IL1RL1: variants seen among roughly 807,000 people sequenced by gnomAD.
The protein encoded by IL1RL1 is interleukin-1 receptor-like 1.
In IL1RL1, 32 loss-of-function variants were observed where a neutral mutation model predicts 50.9. That is an observed-to-expected ratio of 0.63 (90% CI 0.47 to 0.84). IL1RL1 has a LOEUF of 0.84. IL1RL1 is among the 40% of genes least tolerant of loss of function. IL1RL1 has a pLI of 0.00. For missense variants in IL1RL1, 773 were observed against 662.9 expected (o/e 1.17, Z -1.82); for synonymous variants, 275 against 236.0 (o/e 1.17, Z -1.51).
At chr2:102,340,921 C>T (rs1411379079) in intron 5 of IL1RL1, 93 bp downstream of exon 5, 2 of 956,944 alleles carry the variant, frequency 2.1e-6, no homozygotes, top group Non-Finnish European at 3.0e-6. Context: ...TTGCACTTCT[C>T]CCTCCTCCCT....
Position 102,349,574 on chromosome 2 carries a change from A to C in IL1RL1, c.1285+328A>C, listed in dbSNP as rs531011495. On this transcript the variant is annotated intron_variant, in intron 10 of 10. Coordinates refer to ENST00000233954, the MANE Select transcript of IL1RL1 (RefSeq NM_016232.5). The stretch of plus-strand genomic sequence containing the variant: ...ACTCTGCCACTTCTTAATTCTGTCC[A>C]TAAGATTTGAAAGAGGACTTAAAAA... Among the ~76,000 whole-genome samples, 27 of 152,316 alleles carry C rather than the reference A, an allele frequency of 1.8e-4. 1 individual carries two copies. In the South Asian group the frequency reaches 5.6e-3, roughly 32 times the overall value.
chr2:102,349,155 G>A lies in IL1RL1; in HGVS notation c.1194G>A (p.Glu398=), dbSNP rs1451099841. Residue 398 remains glutamate, a synonymous_variant, in exon 10 of 11, where the codon GAG becomes GAA. Transcript: ENST00000233954. ...GTACAGATGGGGCCAGTCGTGTAGA[G>A]CACTTTGTTCACCAGATTCTGCCTG... ...KSSTDGASRV[E]HFVHQILPDV... 3 of 1,613,138 alleles carry A rather than the reference G, an allele frequency of 1.9e-6. No homozygotes were observed. The highest frequency in any genetic ancestry group is 1.6e-4 in the Middle Eastern group (1 of 6,062).
chr2:102,342,493 AT>A (rs1257038530), intron 6 of IL1RL1, among the ~76,000 whole-genome samples, 199 bp downstream of exon 6: 2 of 152,114 alleles, frequency 1.3e-5, no homozygotes, highest in African/African-American at 4.8e-5. Context: ...CAGTGTTTAC[AT>A]TTGTTTATTG....
At chr2:102,342,418 G>A (rs1015864137) in intron 6 of IL1RL1, 124 bp downstream of exon 6, 4 of 658,746 alleles carry the variant, frequency 6.1e-6, no homozygotes, top group African/African-American at 5.4e-5. Context: ...AGTAAGTGAG[G>A]TGACATCCCT....
At chr2:102,323,320 A>G (rs1676894836) in intron 1 of IL1RL1, among the ~76,000 whole-genome samples, 1 of 148,146 alleles carries the variant, frequency 6.8e-6, no homozygotes, top group Admixed American at 6.7e-5. Flanking sequence ...TATATAATTT[A>G]TATACACTAA....
At chr2:102,337,862 T>C (rs1186442999) in intron 1 of IL1RL1, among the ~76,000 whole-genome samples, 3 of 152,188 alleles carry the variant, frequency 2.0e-5, no homozygotes, top group African/African-American at 7.2e-5. Flanking sequence ...TTTCAGGACA[T>C]TCTCATGAGA....
At chr2:102,326,071 T>C (rs932776162) in intron 1 of IL1RL1, among the ~76,000 whole-genome samples, 1 of 152,118 alleles carries the variant, frequency 6.6e-6, no homozygotes, top group South Asian at 2.1e-4. Context: ...AAAGTTGAAA[T>C]GAAGGCAAAA....
chr2:102,314,321 C>T (rs1676610077), intron 1 of IL1RL1, among the ~76,000 whole-genome samples: 1 of 152,182 alleles, frequency 6.6e-6, no homozygotes, highest in South Asian at 2.1e-4. Flanking sequence ...TGTGAGGGCC[C>T]CAGGCCCCCT....
At position 102,340,136 on chromosome 2, in the gene IL1RL1, T is replaced by C. The variant is rs1397489512; in HGVS notation, c.311T>C (p.Ile104Thr). Residue 104 changes from isoleucine (I) to threonine (T), a missense_variant, in exon 4 of 11, where the codon ATA (isoleucine) becomes ACA (threonine). By Grantham distance (89) the Ile-to-Thr change is moderately conservative. Transcript: ENST00000233954. ...AGGACTGGATATGCGAATGTCACCA[T>C]ATATAAAAAACAATCAGATTGCAAT... ...FNRTGYANVT[I>T]YKKQSDCNVP... The C allele has an allele frequency of 1.3e-6, 2 of 1,582,934 alleles. No individual in the cohort carries two copies. Among genetic ancestry groups the C allele is most frequent in the South Asian group, 1.1e-5 (1 of 86,974 alleles).
At chr2:102,336,172 T>C (rs1408370544) in intron 1 of IL1RL1, among the ~76,000 whole-genome samples, 1 of 152,156 alleles carries the variant, frequency 6.6e-6, no homozygotes, top group Non-Finnish European at 1.5e-5. Flanking sequence ...CCACAAGCAG[T>C]GGCAGTTGGA....
In IL1RL1 at chr2:102,343,438, T is replaced by C. The variant is rs942546252; in HGVS notation, c.970+23T>C. The C allele has an allele frequency of 1.9e-5, 31 of 1,614,074 alleles. No individual in the cohort carries two copies. In the East Asian group the frequency reaches 6.7e-4, roughly 35 times the overall value. The stretch of plus-strand genomic sequence containing the variant: ...CAAGTAAGGAGTGTTTCTGAGACTT[T>C]GATCACCTGAACTTTCTCTAGCAAG... On this transcript the variant is annotated intron_variant, in intron 8 of 10. Coordinates refer to ENST00000233954, the MANE Select transcript of IL1RL1 (RefSeq NM_016232.5).
At chr2:102,330,171 T>A (rs1288183500) in intron 1 of IL1RL1, among the ~76,000 whole-genome samples, 1 of 152,188 alleles carries the variant, frequency 6.6e-6, no homozygotes, top group African/African-American at 2.4e-5. Context: ...AAAAAGATGA[T>A]GAGTTCATGT....
intron 1 of IL1RL1, among the ~76,000 whole-genome samples, chr2:102,336,375 A>G (rs920018906): frequency 7.2e-5 from 11 of 152,160 alleles, no homozygotes; most frequent in Non-Finnish European, 1.2e-4. Flanking sequence ...AATACATGTA[A>G]ATCACTTAGA....
At chr2:102,347,733 T>C (rs960807118) in intron 8 of IL1RL1, among the ~76,000 whole-genome samples, 1 of 152,188 alleles carries the variant, frequency 6.6e-6, no homozygotes, top group African/African-American at 2.4e-5. Context: ...TCTGCCTCTT[T>C]TGCCTTTGAG....
intron 1 of IL1RL1, among the ~76,000 whole-genome samples, chr2:102,311,886 TATATAA>T (rs1355373705): frequency 2.9e-5 from 1 of 34,478 alleles, no homozygotes; most frequent in Non-Finnish European, 5.0e-5. Context: ...TATAATATAA[TATATAA>T]TATATCATAT....
chr2:102,342,939 A>T, intron 6 of IL1RL1, 97 bp from the exon 7 acceptor site: 2 of 1,212,778 alleles, frequency 1.6e-6, no homozygotes, highest in African/African-American at 3.1e-5. Context: ...TGGGGTGCAT[A>T]CTAAGTGTTC....
At chr2:102,317,327 C>A (rs797022149) in intron 1 of IL1RL1, among the ~76,000 whole-genome samples, 6 of 152,166 alleles carry the variant, frequency 3.9e-5, no homozygotes, top group African/African-American at 1.4e-4. Context: ...GCACTCCAGC[C>A]TGGGTGACAG....
intron 1 of IL1RL1, among the ~76,000 whole-genome samples, chr2:102,330,892 G>A (rs1677159857): frequency 6.6e-6 from 1 of 152,034 alleles, no homozygotes; most frequent in South Asian, 2.1e-4. Flanking sequence ...GGTTTAAGAT[G>A]TTCTGTTATG....
chr2:102,334,205 G>A (rs1026096710), intron 1 of IL1RL1, among the ~76,000 whole-genome samples: 2 of 152,172 alleles, frequency 1.3e-5, no homozygotes, highest in South Asian at 2.1e-4. Context: ...CAGCAACAAT[G>A]TATAAGCATT....
Sources: allele counts gnomAD v4.1 joint callset (sites outside exome capture counted in the v4.1 genomes callset), GRCh38; gene constraint gnomAD v4.1.1; transcripts MANE v1.5; gene names NCBI Gene and HGNC (gene_info 2026-07-23, HGNC 2026-07-21).